Variants in ZNF776 observed in about 807,000 individuals in gnomAD.
ZNF776 encodes the protein zinc finger protein 776.
In ZNF776, 4 loss-of-function variants were observed where a neutral mutation model predicts 7.0. The observed-to-expected ratio is 0.57, with a 90% CI of 0.28 to 1.31. The LOEUF is 1.31. ZNF776 is among the 50% of genes most tolerant of loss of function. The probability of loss-of-function intolerance (pLI) is 0.10; values close to 1 mark genes in which losing one functional copy is unlikely to be tolerated. For synonymous variants in ZNF776, 212 were observed against 213.7 expected (o/e 0.99, Z 0.07); for missense variants, 555 against 625.9 (o/e 0.89, Z 1.21).
chr19:57,752,457 G>A (rs1013066221), intron 2 of ZNF776, among the ~76,000 whole-genome samples: 1 of 152,046 alleles, frequency 6.6e-6, no homozygotes, highest in African/African-American at 2.4e-5. Flanking sequence ...TCTTTGCAGT[G>A]GGACTGAGAG....
At position 57,752,480 on chromosome 19, in the gene ZNF776, C is replaced by G. The variant is rs74794084; in HGVS notation, c.161-811C>G. On this transcript the variant is annotated intron_variant, in intron 2 of 2. Coordinates refer to ENST00000317178, the MANE Select transcript of ZNF776 (RefSeq NM_173632.4). Reference sequence around the variant, plus strand: ...GTGGGACTGAGAGTTCTCAGTGATCCAGAAGTTGCAGCTAAACCCAGGCTC... The same window carrying G: ...GTGGGACTGAGAGTTCTCAGTGATCGAGAAGTTGCAGCTAAACCCAGGCTC... Among the ~76,000 whole-genome samples, 1,007 of 152,196 alleles carry G rather than the reference C, an allele frequency of 6.6e-3. 11 individuals carry two copies. Among genetic ancestry groups the G allele is most frequent in the African/African-American group, 0.021 (868 of 41,514 alleles).
At chr19:57,751,896 G>A (rs1321064561) in intron 2 of ZNF776, among the ~76,000 whole-genome samples, 5 of 79,484 alleles carry the variant, frequency 6.3e-5, no homozygotes, top group South Asian at 8.7e-4. Context: ...TTTTTGAGAC[G>A]GAGTCTTGCT....
In ZNF776 at chr19:57,754,071, A is replaced by G; in HGVS notation, c.941A>G (p.His314Arg). Residue 314 changes from histidine to arginine, a missense_variant, in exon 3 of 3, where the codon CAC becomes CGC. By Grantham distance (29) the His-to-Arg change is conservative (BLOSUM62 0). Coordinates refer to ENST00000317178, the MANE Select transcript of ZNF776 (RefSeq NM_173632.4). ...AGTCTTGTTGACCATCAGCGAGTTC[A>G]CACTGGAGAAAGACCTTATGAATGT... ...KHSLVDHQRV[H>R]TGERPYECDE... 1 of 1,614,066 alleles carries G rather than the reference A, an allele frequency of 6.2e-7. No individual in the cohort carries two copies. Among genetic ancestry groups the G allele is most frequent in the Non-Finnish European group, 8.5e-7 (1 of 1,180,010 alleles).
chr19:57,756,430 GTTCTGGTACCATGAAGGA>G lies in ZNF776; in HGVS notation c.*1759_*1776del, dbSNP rs1289904165. 6.5e-6 allele frequency: 1 copy of G among 153,352 alleles called. No individual in the cohort carries two copies. Among genetic ancestry groups the G allele is most frequent in the African/African-American group, 2.4e-5 (1 of 41,428 alleles). The allele number at this position is 153,352 out of a possible 1,614,324, so 9.5% of individuals were successfully genotyped here. ...CATTGTGTGGCTTAGATACAACATG[GTTCTGGTACCATGAAGGA>G]TTCTGGTACCATGAAAGTTTGTTGG... On this transcript the variant is annotated 3_prime_UTR_variant, in exon 3 of 3. Transcript: ENST00000317178.
chr19:57,747,574 A>T (rs1178329055), intron 1 of ZNF776, among the ~76,000 whole-genome samples: 1 of 152,176 alleles, frequency 6.6e-6, no homozygotes, highest in Non-Finnish European at 1.5e-5. Context: ...GATAGGTGCT[A>T]AGAGATGACA....
At chr19:57,748,148 G>A (rs1236487722) in intron 1 of ZNF776, among the ~76,000 whole-genome samples, 1 of 152,136 alleles carries the variant, frequency 6.6e-6, no homozygotes, top group African/African-American at 2.4e-5. Flanking sequence ...TGAGGCTTTT[G>A]CCGTAATCCA....
At position 57,753,837 on chromosome 19, in the gene ZNF776, A is replaced by C. The variant is rs752240387; in HGVS notation, c.707A>C (p.Tyr236Ser). ...AGACTTCTCCCTAGAGAAGGACCTT[A>C]TGTATGCAGTGATTCTGGGAAATTC... ...HQRLLPREGP[Y>S]VCSDSGKFTS... Residue 236 changes from tyrosine (Y) to serine (S), a missense_variant, in exon 3 of 3, where the codon TAT (tyrosine) becomes TCT (serine). Physicochemically the swap from Tyr to Ser is moderately radical, Grantham distance 144. Coordinates refer to ENST00000317178, the MANE Select transcript of ZNF776 (RefSeq NM_173632.4). 1 of 1,614,224 alleles carries C rather than the reference A, an allele frequency of 6.2e-7. No homozygotes were observed.
Position 57,753,865 on chromosome 19 carries a change from T to C in ZNF776, c.735T>C (p.Thr245=). ...TATGCAGTGATTCTGGGAAATTCAC[T>C]AGCAAAAGTAATAGTTTTAATAATC... ...PYVCSDSGKF[T]SKSNSFNNHQ... is the part of the protein sequence containing the mutation. The change falls in exon 3 of 3, where the codon ACT becomes ACC. Residue 245 remains threonine, a synonymous_variant. Transcript: ENST00000317178. 1 of 1,614,238 alleles carries C rather than the reference T, an allele frequency of 6.2e-7. No individual in the cohort carries two copies. Among genetic ancestry groups the C allele is most frequent in the South Asian group, 1.1e-5 (1 of 91,088 alleles).
At chr19:57,747,136 C>T (rs910463584) in intron 1 of ZNF776, 45 bp downstream of exon 1, 1 of 1,558,038 alleles carries the variant, frequency 6.4e-7, no homozygotes, top group African/African-American at 1.4e-5. Context: ...TCATCTTTAC[C>T]TAAGTCCAAA....
At position 57,756,246 on chromosome 19, in the gene ZNF776, C is replaced by T. The variant is rs1257142669; in HGVS notation, c.*1559C>T. The T allele has an allele frequency of 7.1e-6, 1 of 140,044 alleles. No individual in the cohort carries two copies. The highest frequency in any genetic ancestry group is 2.8e-5 in the African/African-American group (1 of 35,136). 8.7% of individuals were successfully genotyped at this position (140,044 alleles called of 1,614,324 possible). ...TCTTTCCTAGGAATCTCATGATTGTCATGATTCTTAAAATGGAATTTTCCA... is the reference window on the plus strand; with the variant it reads ...TCTTTCCTAGGAATCTCATGATTGTTATGATTCTTAAAATGGAATTTTCCA... On this transcript the variant is annotated 3_prime_UTR_variant, in exon 3 of 3. Coordinates refer to ENST00000317178, the MANE Select transcript of ZNF776 (RefSeq NM_173632.4).
intron 1 of ZNF776, among the ~76,000 whole-genome samples, chr19:57,749,639 CT>C (rs1986544139): frequency 6.6e-6 from 1 of 152,248 alleles, no homozygotes; most frequent in East Asian, 1.9e-4. Flanking sequence ...TCCCACTAGG[CT>C]CTTTTAGATA....
rs1986780827 is a variant in ZNF776 at position 57,756,464 on chromosome 19, AGTTT to A, written c.*1781_*1784del. Reference sequence around the variant, plus strand: ...CCATGAAGGATTCTGGTACCATGAAAGTTTGTTGGGGTTACTAAACTGTGTGACT... The same window carrying A: ...CCATGAAGGATTCTGGTACCATGAAAGTTGGGGTTACTAAACTGTGTGACT... On this transcript the variant is annotated 3_prime_UTR_variant, in exon 3 of 3. Transcript: ENST00000317178. The A allele has an allele frequency of 6.5e-6, 1 of 153,736 alleles. No homozygotes were observed. The highest frequency in any genetic ancestry group is 1.4e-5 in the Non-Finnish European group (1 of 69,116). The allele number at this position is 153,736 out of a possible 1,614,324, so 9.5% of individuals were successfully genotyped here. A position where few individuals can be genotyped will look rare whatever the true frequency, so the allele number is the denominator to read the frequency against.
At chr19:57,747,487 A>T (rs1986471796) in intron 1 of ZNF776, among the ~76,000 whole-genome samples, 1 of 152,202 alleles carries the variant, frequency 6.6e-6, no homozygotes, top group Non-Finnish European at 1.5e-5. Flanking sequence ...GGTTTCCCAA[A>T]GTCCAGTCGA....
At position 57,753,566 on chromosome 19, in the gene ZNF776, G is replaced by A. The variant is rs111750364; in HGVS notation, c.436G>A (p.Ala146Thr). 57 of 1,614,222 alleles carry A rather than the reference G, an allele frequency of 3.5e-5. No individual in the cohort carries two copies. In the African/African-American group the frequency reaches 6.0e-4, roughly 17 times the overall value. ...HIGEKSYRSNAKGTSFVKNCK... is the reference protein window; with the variant it reads ...HIGEKSYRSNTKGTSFVKNCK... ...TGGAGAGAAATCGTACAGAAGCAAT[G>A]CCAAGGGAACATCTTTTGTAAAGAA... The change falls in exon 3 of 3, where the codon GCC becomes ACC. Residue 146 changes from alanine (A) to threonine (T), a missense_variant. Transcript: ENST00000317178.
chr19:57,752,204 A>T (rs1403864080), intron 2 of ZNF776, among the ~76,000 whole-genome samples: 1 of 151,918 alleles, frequency 6.6e-6, no homozygotes, highest in African/African-American at 2.4e-5. Flanking sequence ...GTGTCTCATT[A>T]TGTTACCCAG....
In ZNF776 at chr19:57,757,999, A is replaced by G. The variant is rs1314584221; in HGVS notation, c.*3312A>G. ...ACATAGCAGGGATGCATATTTTGACATTCATCAATCATGATATATGAGTAG... is the reference window on the plus strand; with the variant it reads ...ACATAGCAGGGATGCATATTTTGACGTTCATCAATCATGATATATGAGTAG... On this transcript the variant is annotated 3_prime_UTR_variant, in exon 3 of 3. Transcript: ENST00000317178. The G allele has an allele frequency of 6.6e-6, 1 of 152,132 alleles. No homozygotes were observed. Among genetic ancestry groups the G allele is most frequent in the Admixed American group, 6.5e-5 (1 of 15,270 alleles). The allele number at this position is 152,132 out of a possible 1,614,324, so 9.4% of individuals were successfully genotyped here.
rs2122522793 is a variant in ZNF776 at position 57,754,581 on chromosome 19, G to A, written c.1451G>A (p.Gly484Glu). Residue 484 changes from glycine (G) to glutamate (E), a missense_variant, in exon 3 of 3, where the codon GGA (glycine) becomes GAA (glutamate). Coordinates refer to ENST00000317178, the MANE Select transcript of ZNF776 (RefSeq NM_173632.4). Reference protein sequence around the residue: ...SLIRHQQIHSGERPHECGECG... With the variant: ...SLIRHQQIHSEERPHECGECG... ...ATTCGACATCAGCAGATTCACTCTGGAGAAAGGCCACATGAGTGTGGAGAA... is the reference window on the plus strand; with the variant it reads ...ATTCGACATCAGCAGATTCACTCTGAAGAAAGGCCACATGAGTGTGGAGAA... The A allele has an allele frequency of 6.2e-7, 1 of 1,614,224 alleles. No homozygotes were observed. Among genetic ancestry groups the A allele is most frequent in the Non-Finnish European group, 8.5e-7 (1 of 1,180,044 alleles).
At chr19:57,753,242 C>T in intron 2 of ZNF776, 49 bp from the exon 3 acceptor site, 1 of 1,560,906 alleles carries the variant, frequency 6.4e-7, no homozygotes. Flanking sequence ...CTTAGTAATA[C>T]TTCCCTTCGG....
Position 57,753,519 on chromosome 19 carries a change from A to T in ZNF776, c.389A>T (p.His130Leu), listed in dbSNP as rs745768250. The T allele has an allele frequency of 6.2e-7, 1 of 1,614,258 alleles. No individual in the cohort carries two copies. The highest frequency in any genetic ancestry group is 1.1e-5 in the South Asian group (1 of 91,090). The change falls in exon 3 of 3, where the codon CAT becomes CTT. Residue 130 changes from histidine (H) to leucine (L), a missense_variant. Transcript: ENST00000317178. Reference protein sequence around the residue: ...EKKLDDDANHHQDQKQHIGEK... With the variant: ...EKKLDDDANHLQDQKQHIGEK... ...AAATTGGATGACGATGCAAACCATC[A>T]TCAAGACCAGAAGCAGCACATTGGA...
Sources: gnomAD v4.1 joint callset for allele counts (sites outside exome capture counted in the v4.1 genomes callset) on GRCh38, gnomAD v4.1.1 for gene constraint, MANE v1.5 for transcripts, NCBI Gene and HGNC (gene_info 2026-07-23, HGNC 2026-07-21) for gene names.